Variants in GLI3 observed in about 807,000 individuals in gnomAD.
GLI3 encodes the protein transcription activator GLI3.
In GLI3, 20 loss-of-function variants were observed where a neutral mutation model predicts 100.8. That is an observed-to-expected ratio of 0.20 (90% CI 0.14 to 0.29). GLI3 has a LOEUF of 0.29. GLI3 is among the 10% of genes least tolerant of loss of function. The pLI is 1.00. For synonymous variants in GLI3, 938 were observed against 860.5 expected, an observed-to-expected ratio of 1.09 and a Z score of -1.58; for missense variants, 2,040 against 2,128.5, an observed-to-expected ratio of 0.96 and a Z score of 0.82.
In GLI3 at chr7:42,245,694, AAAAAC is replaced by A. The variant is rs564035851; in HGVS notation, c.-43+18295_-43+18299del. On this transcript the variant is annotated intron_variant, in intron 1 of 2. Coordinates refer to the GLI3 transcript ENST00000678978. ...AGACTCTGTCTCAAAAAACAAAAACAAAAACAAAACAAAACAAAAAGATGTATCTT... is the reference window on the plus strand; with the variant it reads ...AGACTCTGTCTCAAAAAACAAAAACAAAAACAAAACAAAAAGATGTATCTT... 5.1e-3 allele frequency among the ~76,000 whole-genome samples: 783 copies of A among 152,132 alleles called. 3 individuals are homozygous for A. The highest frequency in any genetic ancestry group is 0.017 in the African/African-American group (708 of 41,446).
At chr7:42,093,917 A>G (rs1340549474) in intron 3 of GLI3, among the ~76,000 whole-genome samples, 1 of 152,150 alleles carries the variant, frequency 6.6e-6, no homozygotes, top group East Asian at 1.9e-4. Context: ...TAAACTCAGG[A>G]CTGAGTGCTA....
At chr7:41,984,254 CT>C (rs1787752798) in intron 10 of GLI3, among the ~76,000 whole-genome samples, 1 of 152,186 alleles carries the variant, frequency 6.6e-6, no homozygotes, top group African/African-American at 2.4e-5. Context: ...TGTTATTTCA[CT>C]ATTAGCTCAG....
chr7:41,966,957 T>C lies in GLI3; in HGVS notation c.2432-316A>G, dbSNP rs1215649298. ...AACAATAACAACTCCCTCGATTCAC[T>C]GAAGCCCCTCCCCAAGCGCTGTGCA... is the stretch of plus-strand genomic sequence containing the variant. On this transcript the variant is annotated intron_variant, in intron 14 of 14. Coordinates refer to ENST00000395925, the MANE Select transcript of GLI3 (RefSeq NM_000168.6). This position sits in a 1 kb window ranked among gnomAD's most constrained non-coding sequence, Gnocchi z 5.8. 3.9e-5 allele frequency among the ~76,000 whole-genome samples: 6 copies of C among 152,204 alleles called. No homozygotes were observed. Among genetic ancestry groups the C allele is most frequent in the Non-Finnish European group, 8.8e-5 (6 of 68,024 alleles).
intron 2 of GLI3, among the ~76,000 whole-genome samples, chr7:42,195,807 G>A (rs1458774657): frequency 2.0e-5 from 3 of 152,242 alleles, no homozygotes; most frequent in Admixed American, 2.0e-4. Context: ...ATGAATTAAT[G>A]GGTGGATGGA....
chr7:42,127,589 T>C (rs1583580633), intron 3 of GLI3, among the ~76,000 whole-genome samples: 1 of 152,340 alleles, frequency 6.6e-6, no homozygotes, highest in South Asian at 2.1e-4. Context: ...ACTCCAGTAG[T>C]GTTTGGGACA....
chr7:42,176,457 C>T (rs1252999135), intron 2 of GLI3, among the ~76,000 whole-genome samples: 1 of 151,850 alleles, frequency 6.6e-6, no homozygotes. Flanking sequence ...TCTCCAGGGG[C>T]CTGCCTGTTC....
intron 1 of GLI3, among the ~76,000 whole-genome samples, chr7:42,257,005 C>T (rs1466985267): frequency 6.6e-6 from 1 of 151,954 alleles, no homozygotes; most frequent in Non-Finnish European, 1.5e-5. Context: ...CTTGTTAAAC[C>T]TAGCCCTAAA....
intron 3 of GLI3, among the ~76,000 whole-genome samples, chr7:42,078,856 A>G (rs1784938143): frequency 6.6e-6 from 1 of 151,388 alleles, no homozygotes; most frequent in South Asian, 2.1e-4. Flanking sequence ...CAGCCTCCCA[A>G]GTAGCTGGGA....
At chr7:42,074,754 C>T (rs904706183) in intron 4 of GLI3, among the ~76,000 whole-genome samples, 3 of 152,150 alleles carry the variant, frequency 2.0e-5, no homozygotes, top group Non-Finnish European at 4.4e-5. Context: ...TCTCTGTGCC[C>T]GCAGCAATGA....
intron 4 of GLI3, among the ~76,000 whole-genome samples, chr7:42,055,216 G>A (rs963009465): frequency 3.2e-4 from 48 of 151,818 alleles, no homozygotes; most frequent in Non-Finnish European, 1.6e-4. Context: ...TCATAAATCT[G>A]CACAATCCTA....
intron 4 of GLI3, among the ~76,000 whole-genome samples, chr7:42,056,838 C>T (rs1210028800): frequency 4.5e-5 from 6 of 134,142 alleles, no homozygotes; most frequent in Admixed American, 7.1e-5. Context: ...AAAAATTAGC[C>T]GGGCATGGTG....
chr7:42,249,154 A>C (rs1789005680), intron 1 of GLI3, among the ~76,000 whole-genome samples: 2 of 152,204 alleles, frequency 1.3e-5, no homozygotes, highest in Non-Finnish European at 2.9e-5. Flanking sequence ...CCGTTAGTAC[A>C]GGAGTCTTTT....
At chr7:42,107,315 G>A (rs1785599737) in intron 3 of GLI3, among the ~76,000 whole-genome samples, 1 of 152,154 alleles carries the variant, frequency 6.6e-6, no homozygotes, top group South Asian at 2.1e-4. Context: ...GGGCGACAGT[G>A]ACCCTGTCTC....
intron 3 of GLI3, among the ~76,000 whole-genome samples, chr7:42,088,090 T>C (rs1236980159): frequency 1.3e-5 from 2 of 152,194 alleles, no homozygotes; most frequent in African/African-American, 2.4e-5. Context: ...GGAGTACAAG[T>C]AGAAAACATT....
intron 10 of GLI3, among the ~76,000 whole-genome samples, chr7:41,982,455 C>T (rs546159672): frequency 5.1e-4 from 78 of 152,274 alleles, no homozygotes; most frequent in Admixed American, 4.2e-3. Flanking sequence ...TGGTGGCTCA[C>T]ACCTGTAATC....
At chr7:42,181,037 A>G (rs1444657332) in intron 2 of GLI3, among the ~76,000 whole-genome samples, 1 of 152,142 alleles carries the variant, frequency 6.6e-6, no homozygotes, top group East Asian at 1.9e-4. Flanking sequence ...TAATTCTGCA[A>G]CTCTGCAATA....
At chr7:42,028,497 C>G (rs2128733063) in intron 7 of GLI3, among the ~76,000 whole-genome samples, 2 of 152,304 alleles carry the variant, frequency 1.3e-5, no homozygotes, top group Middle Eastern at 6.8e-3. Flanking sequence ...GGCGCGGTGG[C>G]TCACGCCTGT....
At chr7:42,262,017 C>CCT (rs768412101) in intron 1 of GLI3, among the ~76,000 whole-genome samples, 2 of 119,824 alleles carry the variant, frequency 1.7e-5, no homozygotes, top group African/African-American at 2.9e-5. Flanking sequence ...TTCTTTCCTT[C>CCT]CTCTCTCTCT....
chr7:42,004,198 C>T (rs17707521), intron 10 of GLI3, among the ~76,000 whole-genome samples: 2,831 of 152,170 alleles, frequency 0.019, 36 homozygotes, highest in Middle Eastern at 0.031. Context: ...GCATTATTCC[C>T]TTTAATACCA....
Sources: allele counts gnomAD v4.1 joint callset (sites outside exome capture counted in the v4.1 genomes callset), GRCh38; gene constraint gnomAD v4.1.1; non-coding constraint Gnocchi (gnomAD v3.1); transcripts MANE v1.5; gene names NCBI Gene and HGNC (gene_info 2026-07-23, HGNC 2026-07-21).